Variants in RAB25 observed in about 807,000 individuals in gnomAD.
RAB25 encodes ras-related protein Rab-25.
In RAB25, 23 loss-of-function variants were observed where a neutral mutation model predicts 25.2. That is an observed-to-expected ratio of 0.91 (90% CI 0.66 to 1.29). The LOEUF (loss-of-function observed/expected upper bound fraction) is 1.29. Among genes scored for constraint, RAB25 ranks in the 50% most tolerant of loss-of-function variants. The pLI is 0.00. For synonymous variants in RAB25, 102 were observed against 111.5 expected (o/e 0.91, Z 0.54); for missense variants, 244 against 277.3 (o/e 0.88, Z 0.85).
chr1:156,065,792 C>CGTTCCCTAA (rs1553257893), intron 1 of RAB25, 119 bp from the exon 2 acceptor site: 1 of 774,310 alleles, frequency 1.3e-6, no homozygotes, highest in Non-Finnish European at 2.0e-6. Context: ...CAGGAGACTC[C>CGTTCCCTAA]GTTCCCTAAT....
intron 3 of RAB25, among the ~76,000 whole-genome samples, chr1:156,068,699 T>C (rs906211623): frequency 2.3e-4 from 34 of 149,662 alleles, no homozygotes; most frequent in Non-Finnish European, 4.5e-4. Flanking sequence ...TTTTTTTTTT[T>C]TTTTTTTGAG....
intron 2 of RAB25, 73 bp downstream of exon 2, chr1:156,066,179 G>C (rs1572293147): frequency 1.5e-6 from 2 of 1,364,610 alleles, no homozygotes; most frequent in East Asian, 5.2e-5. Context: ...TGGAGGAGAA[G>C]TGGGGGAGGA....
At chr1:156,070,025 C>T in intron 4 of RAB25, 135 bp from the exon 5 acceptor site, 2 of 1,387,660 alleles carry the variant, frequency 1.4e-6, no homozygotes, top group South Asian at 1.2e-5. Flanking sequence ...ACTTCATTTC[C>T]TTCCTGCAAA....
chr1:156,070,094 G>A (rs1647863031), intron 4 of RAB25, 66 bp from the exon 5 acceptor site: 6 of 1,612,668 alleles, frequency 3.7e-6, no homozygotes, highest in Non-Finnish European at 5.1e-6. Context: ...ATGTATGGGG[G>A]GGTTGGGGAG....
intron 4 of RAB25, 74 bp from the exon 5 acceptor site, chr1:156,070,086 G>T: frequency 6.2e-7 from 1 of 1,610,712 alleles, no homozygotes; most frequent in Admixed American, 1.7e-5. Flanking sequence ...CATGCAGTAT[G>T]TATGGGGGGG....
chr1:156,064,915 G>A (rs368588744), intron 1 of RAB25, among the ~76,000 whole-genome samples: 7 of 152,248 alleles, frequency 4.6e-5, no homozygotes, highest in Admixed American at 4.6e-4. Context: ...CTCTAATTCT[G>A]TGTGCTTAGT....
At chr1:156,066,172 A>T in intron 2 of RAB25, 66 bp downstream of exon 2, 2 of 1,242,382 alleles carry the variant, frequency 1.6e-6, no homozygotes, top group Admixed American at 2.9e-5. Flanking sequence ...ACACTTCTGG[A>T]GGAGAAGTGG....
At chr1:156,067,816 G>C (rs900055466) in intron 2 of RAB25, among the ~76,000 whole-genome samples, 2 of 152,192 alleles carry the variant, frequency 1.3e-5, no homozygotes, top group African/African-American at 2.4e-5. Context: ...GCAATGGAGC[G>C]ATCTCAGATC....
At chr1:156,065,110 C>G (rs1238136283) in intron 1 of RAB25, among the ~76,000 whole-genome samples, 2 of 152,174 alleles carry the variant, frequency 1.3e-5, no homozygotes. Flanking sequence ...GGCCTGCTAA[C>G]AACAATCATA....
At chr1:156,068,566 C>A in intron 3 of RAB25, 103 bp downstream of exon 3, 1 of 1,165,068 alleles carries the variant, frequency 8.6e-7, no homozygotes, top group Non-Finnish European at 1.2e-6. Flanking sequence ...CTAGCCTGGC[C>A]TTCCTCCATA....
chr1:156,066,235 G>C (rs1208998026), intron 2 of RAB25, 129 bp downstream of exon 2: 4 of 766,322 alleles, frequency 5.2e-6, no homozygotes, highest in Non-Finnish European at 7.9e-6. Context: ...TGGGGATGGA[G>C]ATCACAGAAG....
intron 2 of RAB25, among the ~76,000 whole-genome samples, chr1:156,068,044 C>T (rs1323719277): frequency 6.6e-6 from 1 of 152,138 alleles, no homozygotes; most frequent in Non-Finnish European, 1.5e-5. Flanking sequence ...TGAGCCACCG[C>T]GCCTGGCCGA....
At chr1:156,068,525 C>T in intron 3 of RAB25, 62 bp downstream of exon 3, 1 of 1,523,360 alleles carries the variant, frequency 6.6e-7, no homozygotes, top group South Asian at 1.2e-5. Flanking sequence ...CCCTTGCAGT[C>T]TCCCAGCCCC....
At chr1:156,066,135 T>G in intron 2 of RAB25, 29 bp downstream of exon 2, 1 of 1,415,106 alleles carries the variant, frequency 7.1e-7, no homozygotes, top group Non-Finnish European at 9.3e-7. Flanking sequence ...GGCTGCTGGG[T>G]GGTGGGAGTT....
intron 3 of RAB25, 109 bp from the exon 4 acceptor site, chr1:156,069,562 C>A: frequency 1.2e-6 from 1 of 857,712 alleles, no homozygotes; most frequent in Non-Finnish European, 1.9e-6. Context: ...AAATGATCTG[C>A]TACATGCCAA....
Position 156,068,268 on chromosome 1 carries a change from A to G in RAB25, c.240-2A>G. On this transcript the variant is annotated splice_acceptor_variant, in intron 2 of 4. Transcript: ENST00000361084. LOFTEE classifies it high-confidence loss of function. ...CTGTCCATCCTTCTCATTCCCACCCAGGTACTATCGTGGTGCAGTGGGGGC... is the reference window on the plus strand; with the variant it reads ...CTGTCCATCCTTCTCATTCCCACCCGGGTACTATCGTGGTGCAGTGGGGGC... 1 of 1,608,406 alleles carries G rather than the reference A, an allele frequency of 6.2e-7. No individual in the cohort carries two copies. The highest frequency in any genetic ancestry group is 8.5e-7 in the Non-Finnish European group (1 of 1,175,038).
At chr1:156,066,536 C>T (rs1424343462) in intron 2 of RAB25, among the ~76,000 whole-genome samples, 1 of 152,188 alleles carries the variant, frequency 6.6e-6, no homozygotes. Context: ...ATGCTCTGCA[C>T]TTGGCAACTT....
At chr1:156,069,901 C>G (rs1647857747) in intron 4 of RAB25, 150 bp downstream of exon 4, 1 of 849,180 alleles carries the variant, frequency 1.2e-6, no homozygotes, top group Non-Finnish European at 1.9e-6. Context: ...TCAGTCCCTC[C>G]CCAGTGCCTC....
chr1:156,062,890 C>T (rs908103956), intron 1 of RAB25, among the ~76,000 whole-genome samples: 1 of 151,688 alleles, frequency 6.6e-6, no homozygotes, highest in African/African-American at 2.4e-5. Flanking sequence ...CCTGTCTCTA[C>T]TAAAAATTCA....
Sources: allele counts gnomAD v4.1 joint callset (sites outside exome capture counted in the v4.1 genomes callset), GRCh38; gene constraint gnomAD v4.1.1; transcripts MANE v1.5; gene names NCBI Gene and HGNC (gene_info 2026-07-23, HGNC 2026-07-21).